GPC5: variants seen among roughly 807,000 people sequenced by gnomAD.
GPC5 encodes glypican-5.
A neutral mutation model predicts 53.9 loss-of-function variants in GPC5; 47 were observed. That is an observed-to-expected ratio of 0.87 (90% CI 0.69 to 1.11). The LOEUF (loss-of-function observed/expected upper bound fraction) is 1.11, where lower values mean the gene tolerates loss of function less well. Ranked by LOEUF, GPC5 falls within the 50% of genes most tolerant of loss-of-function variation. The pLI, the probability that GPC5 is intolerant of heterozygous loss-of-function variation, is 0.00. For synonymous variants in GPC5, 286 were observed against 263.3 expected (o/e 1.09, Z -0.84); for missense variants, 748 against 713.1 (o/e 1.05, Z -0.56).
At chr13:92,441,393 AG>A (rs1352841979) in intron 7 of GPC5, among the ~76,000 whole-genome samples, 2 of 152,168 alleles carry the variant, frequency 1.3e-5, no homozygotes, top group Non-Finnish European at 2.9e-5. Flanking sequence ...GTTGCTTTTG[AG>A]AGTATCTCTC....
intron 7 of GPC5, among the ~76,000 whole-genome samples, chr13:92,771,478 G>C (rs1375412868): frequency 6.6e-6 from 1 of 152,044 alleles, no homozygotes; most frequent in African/African-American, 2.4e-5. Flanking sequence ...GAGTAGCTGG[G>C]ATTACAGGCG....
At chr13:92,724,875 TACAC>T (rs58824655) in intron 7 of GPC5, among the ~76,000 whole-genome samples, 10,672 of 137,626 alleles carry the variant, frequency 0.078, 683 homozygotes, top group East Asian at 0.3. Flanking sequence ...GTCCTACACA[TACAC>T]ACACACACAC....
At chr13:92,286,610 T>A (rs1265708362) in intron 7 of GPC5, among the ~76,000 whole-genome samples, 1 of 152,052 alleles carries the variant, frequency 6.6e-6, no homozygotes, top group Non-Finnish European at 1.5e-5. Context: ...CTGGATACCA[T>A]TATTCTCAGC....
chr13:91,848,421 A>G (rs893191262), intron 5 of GPC5, among the ~76,000 whole-genome samples: 2 of 152,204 alleles, frequency 1.3e-5, no homozygotes, highest in African/African-American at 4.8e-5. Flanking sequence ...AACCTATGCT[A>G]GTGAGGGAAG....
intron 7 of GPC5, among the ~76,000 whole-genome samples, chr13:92,769,778 C>T (rs1875542314): frequency 1.3e-5 from 2 of 152,122 alleles, no homozygotes; most frequent in Admixed American, 6.5e-5. Context: ...TCTAAAAGTA[C>T]ATCACAGGAC....
intron 7 of GPC5, among the ~76,000 whole-genome samples, chr13:92,483,974 A>G (rs1879455655): frequency 6.6e-6 from 1 of 152,078 alleles, no homozygotes; most frequent in Admixed American, 6.5e-5. Flanking sequence ...TGTCTCTACA[A>G]AACATTTAAA....
chr13:92,772,364 G>T (rs898957606), intron 7 of GPC5, among the ~76,000 whole-genome samples: 2 of 152,122 alleles, frequency 1.3e-5, no homozygotes, highest in African/African-American at 4.8e-5. Flanking sequence ...TACTCAGATT[G>T]TTCCACCCAG....
intron 2 of GPC5, among the ~76,000 whole-genome samples, chr13:91,614,809 A>G (rs2033652540): frequency 6.6e-6 from 1 of 152,186 alleles, no homozygotes; most frequent in African/African-American, 2.4e-5. Context: ...CGAATACTCA[A>G]GATATTCCTA....
chr13:92,009,552 G>A (rs1336187704), intron 6 of GPC5, among the ~76,000 whole-genome samples: 1 of 152,150 alleles, frequency 6.6e-6, no homozygotes, highest in Non-Finnish European at 1.5e-5. Flanking sequence ...CAGGCAGGTA[G>A]AGTTTTATCT....
In GPC5 at chr13:92,117,708, C is replaced by A. The variant is rs545819367; in HGVS notation, c.1402-27122C>A. 3.3e-5 allele frequency among the ~76,000 whole-genome samples: 5 copies of A among 152,162 alleles called. No homozygotes were observed. The South Asian group carries it at 8.3e-4, about 25-fold the overall frequency. On this transcript the variant is annotated intron_variant, in intron 6 of 7. Transcript: ENST00000377067. ...AATTGTGCACATATTTTTGTAAATT[C>A]ATAAACACTTTATTTTTTGTCATTC... is the stretch of plus-strand genomic sequence containing the variant.
intron 2 of GPC5, among the ~76,000 whole-genome samples, chr13:91,672,199 C>A (rs925119020): frequency 3.9e-5 from 6 of 151,994 alleles, no homozygotes; most frequent in Non-Finnish European, 8.8e-5. Context: ...AATCCATGAC[C>A]AAAATGCCAA....
intron 5 of GPC5, among the ~76,000 whole-genome samples, chr13:91,804,017 G>A (rs1334820682): frequency 6.6e-6 from 1 of 151,048 alleles, no homozygotes; most frequent in Non-Finnish European, 1.5e-5. Context: ...AATATACAGG[G>A]GCAAAGAGAC....
At chr13:92,540,704 A>G (rs1369416725) in intron 7 of GPC5, among the ~76,000 whole-genome samples, 1 of 151,964 alleles carries the variant, frequency 6.6e-6, no homozygotes, top group Non-Finnish European at 1.5e-5. Context: ...TAATGGCTAC[A>G]TATGCCCTCT....
intron 7 of GPC5, among the ~76,000 whole-genome samples, chr13:92,159,739 A>G (rs1234899161): frequency 6.7e-6 from 1 of 150,150 alleles, no homozygotes; most frequent in Non-Finnish European, 1.5e-5. Context: ...AGTAGCTGGG[A>G]CTACAGGCGC....
chr13:92,185,398 T>C (rs956441714), intron 7 of GPC5, among the ~76,000 whole-genome samples: 1 of 152,206 alleles, frequency 6.6e-6, no homozygotes, highest in African/African-American at 2.4e-5. Flanking sequence ...TTAAACTTAC[T>C]AAGATGTAGT....
At chr13:92,840,643 C>A (rs748526627) in intron 7 of GPC5, among the ~76,000 whole-genome samples, 63 of 152,040 alleles carry the variant, frequency 4.1e-4, no homozygotes, top group Admixed American at 8.5e-4. Context: ...TAAAAAAATG[C>A]CATCAGGATT....
chr13:92,757,467 C>G (rs1874936218), intron 7 of GPC5, among the ~76,000 whole-genome samples: 1 of 152,038 alleles, frequency 6.6e-6, no homozygotes, highest in African/African-American at 2.4e-5. Flanking sequence ...CAACAGAAGC[C>G]AAAATTGACA....
intron 2 of GPC5, among the ~76,000 whole-genome samples, chr13:91,503,444 G>A (rs1884756662): frequency 6.6e-6 from 1 of 151,960 alleles, no homozygotes; most frequent in Admixed American, 6.6e-5. Context: ...ATGAAATTGT[G>A]AGCAATTTAA....
intron 7 of GPC5, among the ~76,000 whole-genome samples, chr13:92,655,439 A>G (rs747768400): frequency 7.0e-4 from 107 of 152,204 alleles, no homozygotes; most frequent in Non-Finnish European, 1.2e-3. Flanking sequence ...GGTTCAAGCG[A>G]TTCTCTTGCC....
Sources: allele counts gnomAD v4.1 joint callset (sites outside exome capture counted in the v4.1 genomes callset), GRCh38; gene constraint gnomAD v4.1.1; transcripts MANE v1.5; gene names NCBI Gene and HGNC (gene_info 2026-07-23, HGNC 2026-07-21).